Variants in KIF16B observed in about 807,000 individuals in gnomAD.
The protein encoded by KIF16B is kinesin family member 16B, also known as kinesin-like protein KIF16B.
In KIF16B, 98 loss-of-function variants were observed where a neutral mutation model predicts 156.3. That is an observed-to-expected ratio of 0.63 (90% CI 0.53 to 0.74). The LOEUF is 0.74. Among genes scored for constraint, KIF16B ranks in the 30% least tolerant of loss-of-function variants. The pLI is 0.00. For missense variants in KIF16B, 1,421 were observed against 1,606.5 expected (o/e 0.88, Z 1.97); for synonymous variants, 564 against 583.7 (o/e 0.97, Z 0.49).
intron 1 of KIF16B, among the ~76,000 whole-genome samples, chr20:16,542,077 C>T (rs2070225792): frequency 6.6e-6 from 1 of 152,188 alleles, no homozygotes; most frequent in South Asian, 2.1e-4. Flanking sequence ...CAGCATTCAC[C>T]ACTACACCAA....
chr20:16,473,456 G>A lies in KIF16B; in HGVS notation c.1302+20835C>T, dbSNP rs544326847. On this transcript the variant is annotated intron_variant, in intron 12 of 25. Transcript: ENST00000354981. ...ACTAAGGGACTGGAACTAGAATCTG[G>A]GGAGGATACATATTAAACATAAAAT... Among the ~76,000 whole-genome samples the A allele has an allele frequency of 3.3e-5, 5 of 152,258 alleles. No homozygotes were observed. In the South Asian group the frequency reaches 1.0e-3, roughly 32 times the overall value.
chr20:16,429,769 T>G (rs892926507), intron 13 of KIF16B, 94 bp downstream of exon 13: 1 of 1,031,078 alleles, frequency 9.7e-7, no homozygotes. Flanking sequence ...AATTTAGTTG[T>G]GTTCATGACC....
chr20:16,381,670 A>C (rs2065100119), intron 18 of KIF16B, 24 bp downstream of exon 18: 1 of 1,598,942 alleles, frequency 6.3e-7, no homozygotes, highest in Non-Finnish European at 8.6e-7. Context: ...AGGAGTGTTG[A>C]AACTTGAACC....
rs547777727 is a variant in KIF16B, at chr20:16,397,224, A to G, written c.1784+7589T>C. 9.2e-5 allele frequency among the ~76,000 whole-genome samples: 14 copies of G among 152,350 alleles called. No homozygotes were observed. In the East Asian group the frequency reaches 2.7e-3, roughly 29 times the overall value. On this transcript the variant is annotated intron_variant, in intron 17 of 25. Transcript: ENST00000354981. The stretch of plus-strand genomic sequence containing the variant: ...GGAATGTTTCCCCTGCAGGAAAATT[A>G]TCTCCTGGCAAAGACCCTGGCTGGG...
chr20:16,528,766 T>C (rs1600634221), intron 1 of KIF16B, among the ~76,000 whole-genome samples: 3 of 151,590 alleles, frequency 2.0e-5, no homozygotes, highest in Admixed American at 2.0e-4. Context: ...GTAGCCCCCC[T>C]CACCTTGTTA....
chr20:16,395,818 A>C (rs1167057497), intron 17 of KIF16B, among the ~76,000 whole-genome samples: 1 of 152,162 alleles, frequency 6.6e-6, no homozygotes, highest in African/African-American at 2.4e-5. Context: ...GACACATTCA[A>C]CACTCTAAGG....
Position 16,398,647 on chromosome 20 carries a change from G to A in KIF16B, c.1784+6166C>T, listed in dbSNP as rs761789283. ...TACATGTTCTTTGGTAGTGATGGACGACAAGATTTCCCAGAGTGAAAGATC... is the reference window on the plus strand; with the variant it reads ...TACATGTTCTTTGGTAGTGATGGACAACAAGATTTCCCAGAGTGAAAGATC... On this transcript the variant is annotated intron_variant, in intron 17 of 25. Transcript: ENST00000354981. 2.2e-4 allele frequency among the ~76,000 whole-genome samples: 33 copies of A among 152,314 alleles called. 1 individual carries two copies. Among genetic ancestry groups the A allele is most frequent in the African/African-American group, 5.3e-4 (22 of 41,562 alleles).
chr20:16,359,119 G>GT (rs1241760139), intron 22 of KIF16B, among the ~76,000 whole-genome samples: 1 of 152,174 alleles, frequency 6.6e-6, no homozygotes, highest in East Asian at 1.9e-4. Context: ...TTAAAATGAG[G>GT]TAAGACTGTA....
intron 11 of KIF16B, among the ~76,000 whole-genome samples, chr20:16,496,087 T>TACAG (rs757516167): frequency 6.6e-6 from 1 of 152,316 alleles, no homozygotes; most frequent in East Asian, 1.9e-4. Flanking sequence ...ATACCAACCC[T>TACAG]ACAGACTCCT....
chr20:16,525,619 T>C (rs2069511905), intron 3 of KIF16B, among the ~76,000 whole-genome samples: 1 of 152,242 alleles, frequency 6.6e-6, no homozygotes, highest in Non-Finnish European at 1.5e-5. Context: ...AGAAAGATTC[T>C]GAATGAACGT....
At chr20:16,372,783 C>T (rs966005286) in intron 20 of KIF16B, among the ~76,000 whole-genome samples, 29 of 152,260 alleles carry the variant, frequency 1.9e-4, no homozygotes, top group African/African-American at 5.5e-4. Context: ...CTGCAACCTC[C>T]GCCTCCTGGG....
intron 1 of KIF16B, among the ~76,000 whole-genome samples, chr20:16,550,961 C>T (rs2070627575): frequency 1.3e-5 from 2 of 152,134 alleles, no homozygotes; most frequent in South Asian, 4.1e-4. Flanking sequence ...TTTCCCACTT[C>T]TCTCAAAACA....
Position 16,278,757 on chromosome 20 carries a change from T to C in KIF16B, c.3796-5346A>G, listed in dbSNP as rs536002864. On this transcript the variant is annotated intron_variant, in intron 25 of 25. Transcript: ENST00000354981. ...AGCAGAAGAAGGGGGGATGTGGTGA[T>C]ATGAGAGACACCCTAGACTCAGGCT... is the stretch of plus-strand genomic sequence containing the variant. 2.0e-5 allele frequency among the ~76,000 whole-genome samples: 3 copies of C among 152,264 alleles called. No homozygotes were observed. In the East Asian group the frequency reaches 5.8e-4, roughly 29 times the overall value.
chr20:16,535,540 G>A (rs1176608272), intron 1 of KIF16B, among the ~76,000 whole-genome samples: 1 of 152,096 alleles, frequency 6.6e-6, no homozygotes, highest in Non-Finnish European at 1.5e-5. Flanking sequence ...AATATGAGTG[G>A]TAAAAGTGGG....
chr20:16,374,001 A>G (rs375794843), intron 20 of KIF16B, among the ~76,000 whole-genome samples: 18 of 152,322 alleles, frequency 1.2e-4, no homozygotes, highest in African/African-American at 4.1e-4. Context: ...CTCTGCAGAT[A>G]TCAAGGGACA....
At chr20:16,558,897 C>CAAAAAAAAAAAAAAAAAAA (rs11478258) in intron 1 of KIF16B, among the ~76,000 whole-genome samples, 1 of 62,060 alleles carries the variant, frequency 1.6e-5, no homozygotes. Context: ...GAGCAAGACT[C>CAAAAAAAAAAAAAAAAAAA]AAAAAAAAAA....
At chr20:16,346,125 C>T (rs1179815516) in intron 23 of KIF16B, among the ~76,000 whole-genome samples, 1 of 152,200 alleles carries the variant, frequency 6.6e-6, no homozygotes, top group Non-Finnish European at 1.5e-5. Context: ...CCCTCCAGTG[C>T]AGTGGGCCCT....
At chr20:16,365,267 T>G (rs1415683841) in intron 22 of KIF16B, among the ~76,000 whole-genome samples, 1 of 152,194 alleles carries the variant, frequency 6.6e-6, no homozygotes, top group Non-Finnish European at 1.5e-5. Context: ...GAAATATTAT[T>G]AAGATATTAG....
At chr20:16,468,272 A>G (rs2067552089) in intron 12 of KIF16B, among the ~76,000 whole-genome samples, 1 of 152,192 alleles carries the variant, frequency 6.6e-6, no homozygotes, top group African/African-American at 2.4e-5. Context: ...GTTGTCACAG[A>G]TAAAAGGGAA....
Sources: allele counts gnomAD v4.1 joint callset (sites outside exome capture counted in the v4.1 genomes callset), GRCh38; gene constraint gnomAD v4.1.1; transcripts MANE v1.5; gene names NCBI Gene and HGNC (gene_info 2026-07-23, HGNC 2026-07-21).